The following TEDC1 variants were observed in gnomAD, a reference collection of about 807,000 sequenced individuals.
TEDC1 encodes tubulin epsilon and delta complex 1.
TEDC1 carries 54 observed loss-of-function variants against 59.9 expected under a neutral mutation model. The observed-to-expected ratio is 0.90, with a 90% CI of 0.72 to 1.13. The LOEUF is 1.13. Among genes scored for constraint, TEDC1 ranks in the 50% most tolerant of loss-of-function variants. TEDC1 has a pLI of 0.00. For synonymous variants in TEDC1, 353 were observed against 298.1 expected, an observed-to-expected ratio of 1.18 and a Z score of -1.90; for missense variants, 734 against 683.4, an observed-to-expected ratio of 1.07 and a Z score of -0.83.
At position 105,497,969 on chromosome 14, in the gene TEDC1, G is replaced by A. The variant is rs2084385345; in HGVS notation, c.1150G>A (p.Glu384Lys). Residue 384 changes from glutamate to lysine, a missense_variant, in exon 8 of 9, where the codon GAG (glutamate) becomes AAG (lysine). Coordinates refer to ENST00000392523, the MANE Select transcript of TEDC1 (RefSeq NM_001367178.1). The stretch of plus-strand genomic sequence containing the variant: ...TGCGGAGCGCAGGCGGGCGGCCTGG[G>A]AGGCCAAGGTGAGTGCCAGCCTCGC... ...EAAERRRAAW[E>K]AKAGGCGRGP... 8 of 1,529,840 alleles carry A rather than the reference G, an allele frequency of 5.2e-6. No homozygotes were observed. The highest frequency in any genetic ancestry group is 7.0e-6 in the Non-Finnish European group (8 of 1,138,552). The allele number at this position is 1,529,840 out of a possible 1,614,324, so 94.8% of individuals were successfully genotyped here. A position where few individuals can be genotyped will look rare whatever the true frequency, so the allele number is the denominator to read the frequency against.
chr14:105,494,655 C>T (rs1011079793), intron 5 of TEDC1: 3 of 152,566 alleles, frequency 2.0e-5, no homozygotes, highest in African/African-American at 7.2e-5. Context: ...ACAGCATCCT[C>T]CTCTGACTGG....
Position 105,493,745 on chromosome 14 carries a change from G to A in TEDC1, c.586-90G>A, listed in dbSNP as rs113202513. On this transcript the variant is annotated intron_variant, in intron 4 of 8. Coordinates refer to ENST00000392523, the MANE Select transcript of TEDC1 (RefSeq NM_001367178.1). ...TTTCCTCATCTGGGAGGTGGGCTCTGATGGCCGACCTCCCTGGACTCATGG... is the reference window on the plus strand; with the variant it reads ...TTTCCTCATCTGGGAGGTGGGCTCTAATGGCCGACCTCCCTGGACTCATGG... The A allele has an allele frequency of 2.0e-3, 1,784 of 907,268 alleles. 16 individuals are homozygous for A. The African/African-American group carries it at 0.026, about 13-fold the overall frequency. 56.2% of individuals were successfully genotyped at this position (907,268 alleles called of 1,614,324 possible). A position where few individuals can be genotyped will look rare whatever the true frequency, so the allele number is the denominator to read the frequency against.
At chr14:105,491,046 A>G (rs1595468138), upstream of TEDC1, 2 of 1,551,180 alleles carry the variant, frequency 1.3e-6, no homozygotes, top group African/African-American at 1.4e-5. Flanking sequence ...CTCCAGGGGA[A>G]CCGTTCATTG....
intron 4 of TEDC1, 58 bp from the exon 5 acceptor site, chr14:105,493,777 A>G: frequency 2.4e-6 from 3 of 1,245,770 alleles, no homozygotes; most frequent in South Asian, 2.5e-5. Context: ...ATGGAGACTC[A>G]GCGTTGGGGG....
upstream of TEDC1, chr14:105,490,895 G>C (rs2084190168): frequency 1.1e-6 from 1 of 913,704 alleles, no homozygotes; most frequent in Admixed American, 2.0e-5. Context: ...GGCGCTGATG[G>C]GTGGGGTCTG....
At position 105,496,055 on chromosome 14, in the gene TEDC1, C is replaced by T. The variant is rs1234799117; in HGVS notation, c.860C>T (p.Ser287Leu). 7.1e-6 allele frequency: 11 copies of T among 1,545,342 alleles called. No homozygotes were observed. The Admixed American group carries it at 1.2e-4, about 17-fold the overall frequency. ...GCACCCTTGGATCCTGGTGGGGCCT[C>T]AGCCTGCAGCCTGCTCTCCCCTTTT... ...WAAPLDPGGA[S>L]ACSLLSPFRA... is the part of the protein sequence containing the mutation. The change falls in exon 6 of 9, where the codon TCA becomes TTA. Residue 287 changes from serine to leucine, a missense_variant. By Grantham distance (145) the Ser-to-Leu change is moderately radical. Transcript: ENST00000392523.
At chr14:105,492,378 C>G in intron 3 of TEDC1, 69 bp downstream of exon 3, 1 of 1,573,588 alleles carries the variant, frequency 6.4e-7, no homozygotes, top group Non-Finnish European at 8.6e-7. Flanking sequence ...AAGGGCAGGC[C>G]TGGGTCAGCC....
intron 8 of TEDC1, among the ~76,000 whole-genome samples, chr14:105,498,258 G>A (rs587638831): frequency 7.2e-5 from 11 of 152,250 alleles, no homozygotes; most frequent in Non-Finnish European, 1.2e-4. Context: ...CCATGCGTCC[G>A]CCACACATGC....
At position 105,498,687 on chromosome 14, in the gene TEDC1, A is replaced by G. The variant is rs1310152324; in HGVS notation, c.1229A>G (p.Glu410Gly). ...RRASREAVEK[E>G]LGALQQCWER... ...GCCTCTCGGGAGGCTGTGGAAAAGG[A>G]GCTGGGAGCTCTACAGCAGTGCTGG... is the stretch of plus-strand genomic sequence containing the variant. Residue 410 changes from glutamate to glycine, a missense_variant, in exon 9 of 9, where the codon GAG becomes GGG. Coordinates refer to ENST00000392523, the MANE Select transcript of TEDC1 (RefSeq NM_001367178.1). 16 of 1,553,560 alleles carry G rather than the reference A, an allele frequency of 1.0e-5. No individual in the cohort carries two copies. Among genetic ancestry groups the G allele is most frequent in the South Asian group, 7.1e-5 (6 of 84,264 alleles).
upstream of TEDC1, chr14:105,491,041 G>A (rs979260479): frequency 6.4e-7 from 1 of 1,551,152 alleles, no homozygotes. Flanking sequence ...TCAAACTCCA[G>A]GGGAACCGTT....
chr14:105,499,178 A>G lies in TEDC1; in HGVS notation c.*232A>G. 1 of 584,204 alleles carries G rather than the reference A, an allele frequency of 1.7e-6. No individual in the cohort carries two copies. Among genetic ancestry groups the G allele is most frequent in the African/African-American group, 1.9e-5 (1 of 53,654 alleles). 36.2% of individuals were successfully genotyped at this position (584,204 alleles called of 1,614,324 possible). A position where few individuals can be genotyped will look rare whatever the true frequency, so the allele number is the denominator to read the frequency against. ...CCCTTGAGGAGGTCGTGACAGGCTC[A>G]GCCTGGTGGTCTGGAGGGGACTCGG... On this transcript the variant is annotated 3_prime_UTR_variant, in exon 9 of 9. Coordinates refer to ENST00000392523, the MANE Select transcript of TEDC1 (RefSeq NM_001367178.1).
At chr14:105,492,819 A>G (rs950180769) in intron 4 of TEDC1, 85 bp downstream of exon 4, 19 of 1,480,366 alleles carry the variant, frequency 1.3e-5, no homozygotes, top group Admixed American at 6.2e-5. Context: ...CCGTCCCGTG[A>G]GGCCTGGCAC....
intron 6 of TEDC1, 54 bp downstream of exon 6, chr14:105,496,140 G>T: frequency 2.7e-6 from 1 of 375,316 alleles, no homozygotes; most frequent in Middle Eastern, 9.3e-4. Context: ...GGGGGTGGGT[G>T]GGAGGGGGTG....
rs782248319 is a variant in TEDC1, at chr14:105,492,078, C to T, written c.227-29C>T. 1.5e-5 allele frequency: 24 copies of T among 1,561,050 alleles called. No homozygotes were observed. In the South Asian group the frequency reaches 2.4e-4, roughly 16 times the overall value. ...GTGGTGTCACCTCCAGGTGGGTGGTCCCCCTAAGGTGGTGGTCTTCTGTCC... is the reference window on the plus strand; with the variant it reads ...GTGGTGTCACCTCCAGGTGGGTGGTTCCCCTAAGGTGGTGGTCTTCTGTCC... On this transcript the variant is annotated intron_variant, in intron 2 of 8. Coordinates refer to ENST00000392523, the MANE Select transcript of TEDC1 (RefSeq NM_001367178.1).
Position 105,498,643 on chromosome 14 carries a change from G to C in TEDC1, c.1185G>C (p.Glu395Asp). The change falls in exon 9 of 9, where the codon GAG (glutamate) becomes GAC (aspartate). Residue 395 changes from glutamate (E) to aspartate (D), a missense_variant. Physicochemically the swap from Glu to Asp is conservative, Grantham distance 45. Coordinates refer to ENST00000392523, the MANE Select transcript of TEDC1 (RefSeq NM_001367178.1). ...CTGGAGGCTGTGGACGGGGGCCAGA[G>C]TGGAGTGCCGCGCGGCGGGCCTCTC... ...AKAGGCGRGP[E>D]WSAARRASRE... The C allele has an allele frequency of 6.4e-7, 1 of 1,553,432 alleles. No individual in the cohort carries two copies. Among genetic ancestry groups the C allele is most frequent in the Non-Finnish European group, 8.7e-7 (1 of 1,148,848 alleles).
rs2141802303 is a variant in TEDC1 at position 105,495,904 on chromosome 14, A to G, written c.709A>G (p.Asn237Asp). 1 of 1,550,148 alleles carries G rather than the reference A, an allele frequency of 6.5e-7. No homozygotes were observed. The highest frequency in any genetic ancestry group is 2.4e-5 in the East Asian group (1 of 40,900). Residue 237 changes from asparagine to aspartate, a missense_variant, in exon 6 of 9, where the codon AAC becomes GAC. By Grantham distance (23) the Asn-to-Asp change is conservative. Coordinates refer to ENST00000392523, the MANE Select transcript of TEDC1 (RefSeq NM_001367178.1). ...QQVSGAGAAQ[N>D]LDLAYPKCLH... ...GGTTTCTGGAGCGGGAGCTGCCCAAAACCTGGACCTGGCCTACCCAAAGTG... is the reference window on the plus strand; with the variant it reads ...GGTTTCTGGAGCGGGAGCTGCCCAAGACCTGGACCTGGCCTACCCAAAGTG...
Position 105,496,931 on chromosome 14 carries a change from G to T in TEDC1, c.892-426G>T, listed in dbSNP as rs139643970. ...TTGCTCCTTCGTTTGGGGCCTCCCC[G>T]TCCGCCTGCAGTCCCCGGATACAGC... On this transcript the variant is annotated intron_variant, in intron 6 of 8. Coordinates refer to ENST00000392523, the MANE Select transcript of TEDC1 (RefSeq NM_001367178.1). The T allele has an allele frequency of 1.3e-5, 3 of 229,650 alleles. No homozygotes were observed. The East Asian group carries it at 4.7e-4, about 36-fold the overall frequency. 14.2% of individuals were successfully genotyped at this position (229,650 alleles called of 1,614,324 possible).
chr14:105,496,336 C>T (rs1004904351), intron 6 of TEDC1: 11 of 525,564 alleles, frequency 2.1e-5, no homozygotes, highest in Non-Finnish European at 3.8e-5. Flanking sequence ...CCAGCCTGCT[C>T]CAGCTCCCAC....
rs1195119367 is a variant in TEDC1, at chr14:105,496,031, C to T, written c.836C>T (p.Ala279Val). ...GGTCTGCTGCCGGGTGACTGGGCAG[C>T]ACCCTTGGATCCTGGTGGGGCCTCA... The part of the protein sequence containing the change: ...QPGLLPGDWA[A>V]PLDPGGASAC... The change falls in exon 6 of 9, where the codon GCA becomes GTA. Residue 279 changes from alanine to valine, a missense_variant. By Grantham distance (64) the Ala-to-Val change is moderately conservative. Transcript: ENST00000392523. The T allele has an allele frequency of 1.3e-5, 20 of 1,549,342 alleles. No homozygotes were observed. Among genetic ancestry groups the T allele is most frequent in the East Asian group, 4.9e-5 (2 of 40,882 alleles).
Sources: gnomAD v4.1 joint callset for allele counts (sites outside exome capture counted in the v4.1 genomes callset) on GRCh38, gnomAD v4.1.1 for gene constraint, MANE v1.5 for transcripts, NCBI Gene and HGNC (gene_info 2026-07-23, HGNC 2026-07-21) for gene names.